Variants in CPS1 observed in about 807,000 individuals in gnomAD.
The protein encoded by CPS1 is carbamoyl-phosphate synthase [ammonia], mitochondrial.
In CPS1, 109 loss-of-function variants were observed where a neutral mutation model predicts 174.6. The ratio of observed to expected loss-of-function variants is 0.62; its 90% CI spans 0.53 to 0.73. The LOEUF is 0.73. Ranked by LOEUF, CPS1 falls within the 30% of genes least tolerant of loss-of-function variation. The pLI is 0.00. For missense variants in CPS1, 1,689 were observed against 1,821.9 expected, an observed-to-expected ratio of 0.93 and a Z score of 1.33; for synonymous variants, 637 against 632.0, an observed-to-expected ratio of 1.01 and a Z score of -0.12.
At chr2:210,659,955 A>G (rs941183778) in intron 31 of CPS1, among the ~76,000 whole-genome samples, 5 of 152,198 alleles carry the variant, frequency 3.3e-5, no homozygotes, top group African/African-American at 9.6e-5. Flanking sequence ...TAACGATGGT[A>G]GAGAGATTAT....
In CPS1 at chr2:210,660,625, C is replaced by T. The variant is rs1167952434; in HGVS notation, c.3897C>T (p.Pro1299=). The part of the protein sequence containing the change: ...DEKHLPTLDH[P]IIPADYVAIK... The stretch of plus-strand genomic sequence containing the variant: ...AACATCTTCCAACATTGGACCATCC[C>T]ATAATTCCTGCTGACTATGTTGCAA... The change falls in exon 32 of 38, where the codon CCC becomes CCT. Residue 1299 remains proline, a synonymous_variant. Coordinates refer to ENST00000233072, the MANE Select transcript of CPS1 (RefSeq NM_001875.5). 1 of 1,614,098 alleles carries T rather than the reference C, an allele frequency of 6.2e-7. No homozygotes were observed. The highest frequency in any genetic ancestry group is 1.3e-5 in the African/African-American group (1 of 75,030).
At chr2:210,663,002 T>A (rs1700971669) in intron 32 of CPS1, 121 bp from the exon 33 acceptor site, 1 of 940,184 alleles carries the variant, frequency 1.1e-6, no homozygotes. Flanking sequence ...ATTTTTTACA[T>A]GTCTACTGTA....
chr2:210,478,384 C>A (rs1694463070), intron 1 of CPS1, among the ~76,000 whole-genome samples: 1 of 152,136 alleles, frequency 6.6e-6, no homozygotes, highest in Non-Finnish European at 1.5e-5. Context: ...TGGTGTTGAA[C>A]TTTCCTTCAT....
intron 1 of CPS1, among the ~76,000 whole-genome samples, chr2:210,542,589 GC>G (rs1159672945): frequency 1.3e-5 from 2 of 151,874 alleles, no homozygotes; most frequent in African/African-American, 4.8e-5. Flanking sequence ...CTCTTTAGAT[GC>G]CGTGTTGTCT....
intron 33 of CPS1, among the ~76,000 whole-genome samples, chr2:210,666,853 A>G (rs920687184): frequency 6.6e-6 from 1 of 152,130 alleles, no homozygotes; most frequent in African/African-American, 2.4e-5. Context: ...GTTTTTTCCA[A>G]TTCTGTGAAG....
intron 25 of CPS1, among the ~76,000 whole-genome samples, chr2:210,645,373 CT>C (rs1290516794): frequency 6.6e-6 from 1 of 151,874 alleles, no homozygotes; most frequent in Non-Finnish European, 1.5e-5. Flanking sequence ...TTCTCTTATT[CT>C]TTAACATTAA....
chr2:210,520,938 T>C (rs1574488778), intron 1 of CPS1, among the ~76,000 whole-genome samples: 1 of 152,038 alleles, frequency 6.6e-6, no homozygotes, highest in African/African-American at 2.4e-5. Flanking sequence ...TATGGGCATA[T>C]GTTGTCATTT....
At chr2:210,608,269 TAC>T in intron 18 of CPS1, 90 bp from the exon 19 acceptor site, 6 of 1,184,148 alleles carry the variant, frequency 5.1e-6, no homozygotes, top group Non-Finnish European at 7.4e-6. Flanking sequence ...AGTAGAATAA[TAC>T]CAGAAATTTT....
At chr2:210,583,220 A>G (rs971923286) in intron 6 of CPS1, among the ~76,000 whole-genome samples, 2 of 152,168 alleles carry the variant, frequency 1.3e-5, no homozygotes, top group Non-Finnish European at 2.9e-5. Flanking sequence ...GAGTCACCCT[A>G]AAGTGAAATA....
intron 34 of CPS1, chr2:210,674,671 A>G: frequency 1.8e-6 from 1 of 562,518 alleles, no homozygotes; most frequent in Non-Finnish European, 3.2e-6. Context: ...AGATAAGAAC[A>G]AGGTGAAAAG....
At chr2:210,570,807 C>T (rs551267534) in intron 1 of CPS1, among the ~76,000 whole-genome samples, 51 of 151,908 alleles carry the variant, frequency 3.4e-4, no homozygotes, top group Admixed American at 2.8e-3. Context: ...ATTACTTAGA[C>T]GAGAGGTTTC....
At chr2:210,498,498 A>G (rs1695061312) in intron 1 of CPS1, among the ~76,000 whole-genome samples, 1 of 152,084 alleles carries the variant, frequency 6.6e-6, no homozygotes, top group Admixed American at 6.6e-5. Flanking sequence ...GAGTTTTGAC[A>G]CTGATTTTGT....
chr2:210,581,155 T>A (rs1184213509), intron 5 of CPS1, among the ~76,000 whole-genome samples: 1 of 152,086 alleles, frequency 6.6e-6, no homozygotes, highest in Non-Finnish European at 1.5e-5. Flanking sequence ...CTCAGCCTAA[T>A]GATGTGTGTG....
intron 1 of CPS1, among the ~76,000 whole-genome samples, chr2:210,491,225 T>C (rs1195561378): frequency 6.6e-6 from 1 of 151,840 alleles, no homozygotes; most frequent in Non-Finnish European, 1.5e-5. Context: ...AATTACTGCC[T>C]GTGTTGAGTT....
At chr2:210,511,134 A>G (rs889256614) in intron 1 of CPS1, among the ~76,000 whole-genome samples, 10 of 152,162 alleles carry the variant, frequency 6.6e-5, no homozygotes, top group African/African-American at 2.2e-4. Flanking sequence ...ACCAACCCAA[A>G]TGTCCAACAA....
At position 210,675,789 on chromosome 2, in the gene CPS1, T is replaced by A. The variant is rs922800815; in HGVS notation, c.4223T>A (p.Val1408Glu). The stretch of plus-strand genomic sequence containing the variant: ...GCCAACAATGTCCCTGCCACCCCAG[T>A]GGCATGGCCGTCTCAAGAAGGACAG... ...LNANNVPATPVAWPSQEGQNP... is the reference protein window; with the variant it reads ...LNANNVPATPEAWPSQEGQNP... The change falls in exon 36 of 38, where the codon GTG becomes GAG. Residue 1408 changes from valine to glutamate, a missense_variant. Transcript: ENST00000233072. The A allele has an allele frequency of 1.2e-6, 2 of 1,608,486 alleles. No individual in the cohort carries two copies. Among genetic ancestry groups the A allele is most frequent in the Non-Finnish European group, 1.7e-6 (2 of 1,174,812 alleles).
intron 1 of CPS1, among the ~76,000 whole-genome samples, chr2:210,572,735 A>T (rs1697544414): frequency 6.6e-6 from 1 of 152,058 alleles, no homozygotes; most frequent in South Asian, 2.1e-4. Flanking sequence ...GCATTAAGAG[A>T]GTGATAAAGT....
intron 1 of CPS1, among the ~76,000 whole-genome samples, chr2:210,504,207 G>A (rs555221543): frequency 8.5e-5 from 13 of 152,154 alleles, no homozygotes; most frequent in Middle Eastern, 3.4e-3. Flanking sequence ...GTGTCCACCC[G>A]TGAAGATCCA....
intron 1 of CPS1, among the ~76,000 whole-genome samples, chr2:210,507,682 G>C (rs1330309047): frequency 6.6e-6 from 1 of 151,378 alleles, no homozygotes; most frequent in Non-Finnish European, 1.5e-5. Flanking sequence ...GATGGAGGAA[G>C]ATCTACCAAG....
Sources: allele counts gnomAD v4.1 joint callset (sites outside exome capture counted in the v4.1 genomes callset), GRCh38; gene constraint gnomAD v4.1.1; transcripts MANE v1.5; gene names NCBI Gene and HGNC (gene_info 2026-07-23, HGNC 2026-07-21).